The following TAB2 variants were observed in gnomAD, a reference collection of about 807,000 sequenced individuals.
TAB2 encodes the protein TGF-beta activated kinase 1 (MAP3K7) binding protein 2.
A neutral mutation model predicts 65.0 loss-of-function variants in TAB2; 3 were observed. That is an observed-to-expected ratio of 0.05 (90% CI 0.02 to 0.12). TAB2 has a LOEUF of 0.12. Ranked by LOEUF, TAB2 falls within the 10% of genes least tolerant of loss-of-function variation. The probability of loss-of-function intolerance (pLI) is 1.00; values close to 1 mark genes in which losing one functional copy is unlikely to be tolerated. For missense variants in TAB2, 623 were observed against 840.3 expected (o/e 0.74, Z 3.20); for synonymous variants, 298 against 285.1 (o/e 1.05, Z -0.46).
At chr6:149,408,036 G>A (rs1782726218) in intron 6 of TAB2, among the ~76,000 whole-genome samples, 1 of 152,134 alleles carries the variant, frequency 6.6e-6, no homozygotes, top group South Asian at 2.1e-4. Context: ...AGGTGAAAAT[G>A]TTTTCTAATG....
intron 1 of TAB2, among the ~76,000 whole-genome samples, chr6:149,320,710 G>T (rs1403254745): frequency 6.6e-6 from 1 of 151,960 alleles, no homozygotes; most frequent in Non-Finnish European, 1.5e-5. Context: ...AAGACTAAAA[G>T]TTTATTTTTT....
rs190668703 is a variant in TAB2, at chr6:149,344,057, A to G, written c.-89-25852A>G. On this transcript the variant is annotated intron_variant, in intron 1 of 6. Coordinates refer to ENST00000637181, the MANE Select transcript of TAB2 (RefSeq NM_001292034.3). ...TGCATAATGAATTTAATGTCTGGCA[A>G]TTTAGTCAGCATTAGGTCACTGATT... Among the ~76,000 whole-genome samples, 265 of 152,272 alleles carry G rather than the reference A, an allele frequency of 1.7e-3. 1 individual carries two copies. The highest frequency in any genetic ancestry group is 2.9e-3 in the Non-Finnish European group (194 of 68,012).
At chr6:149,319,637 C>A (rs1490030296) in intron 1 of TAB2, among the ~76,000 whole-genome samples, 2 of 152,114 alleles carry the variant, frequency 1.3e-5, no homozygotes, top group Admixed American at 6.5e-5. Flanking sequence ...GGGTTTTTCC[C>A]CCATAGGTCT....
intron 1 of TAB2, among the ~76,000 whole-genome samples, chr6:149,351,522 G>C (rs1391440956): frequency 2.6e-5 from 4 of 152,150 alleles, no homozygotes; most frequent in Non-Finnish European, 5.9e-5. Flanking sequence ...AGAATGAAAT[G>C]ATAGTATTGA....
intron 1 of TAB2, among the ~76,000 whole-genome samples, chr6:149,337,353 A>G (rs1201137948): frequency 6.6e-6 from 1 of 152,132 alleles, no homozygotes; most frequent in Non-Finnish European, 1.5e-5. Context: ...ATGCATTTAA[A>G]ACCACTCTGA....
intron 1 of TAB2, among the ~76,000 whole-genome samples, chr6:149,344,930 TTATACTC>T (rs1267022428): frequency 6.6e-6 from 1 of 152,188 alleles, no homozygotes; most frequent in South Asian, 2.1e-4. Context: ...ACCAAAGTGA[TTATACTC>T]TAGGCTCAGA....
chr6:149,237,392 G>A (rs1777514046), intron 1 of TAB2, among the ~76,000 whole-genome samples: 2 of 152,178 alleles, frequency 1.3e-5, no homozygotes, highest in African/African-American at 2.4e-5. Flanking sequence ...AAGATGCAAT[G>A]TGGTCCCTGA....
Position 149,356,556 on chromosome 6 carries a change from A to G in TAB2, c.-89-13353A>G, listed in dbSNP as rs536898577. Among the ~76,000 whole-genome samples, 30 of 152,232 alleles carry G rather than the reference A, an allele frequency of 2.0e-4. No homozygotes were observed. In the South Asian group the frequency reaches 5.6e-3, roughly 28 times the overall value. The stretch of plus-strand genomic sequence containing the variant: ...GGTTCGTAGGTGGCACCTTTTAGCT[A>G]TGTCCTCGCATGGTGGAAGGGGCAG... On this transcript the variant is annotated intron_variant, in intron 1 of 6. Transcript: ENST00000637181.
intron 2 of TAB2, among the ~76,000 whole-genome samples, chr6:149,377,557 A>G (rs1185905948): frequency 5.9e-5 from 9 of 152,212 alleles, no homozygotes; most frequent in Non-Finnish European, 4.4e-5. Flanking sequence ...TTAAACATTT[A>G]TTAGTTTAAA....
chr6:149,283,070 T>C (rs1346426142), intron 1 of TAB2, among the ~76,000 whole-genome samples: 1 of 152,234 alleles, frequency 6.6e-6, no homozygotes, highest in East Asian at 1.9e-4. Context: ...TAATATTTAT[T>C]CAATAAACTA....
intron 1 of TAB2, among the ~76,000 whole-genome samples, chr6:149,253,942 G>GAA (rs758067285): frequency 0.093 from 5,263 of 56,790 alleles, 144 homozygotes; most frequent in East Asian, 0.15. Flanking sequence ...AAGAAAGAAA[G>GAA]AGAAAGAAAG....
chr6:149,381,031 C>T (rs1464871957), intron 3 of TAB2, among the ~76,000 whole-genome samples: 1 of 152,124 alleles, frequency 6.6e-6, no homozygotes, highest in East Asian at 1.9e-4. Context: ...TGCTTGAGCC[C>T]AGAAGTTTGA....
chr6:149,315,596 A>G (rs1189067238), upstream of TAB2, among the ~76,000 whole-genome samples: 1 of 152,220 alleles, frequency 6.6e-6, no homozygotes, highest in Non-Finnish European at 1.5e-5. Flanking sequence ...AATGTCCTAT[A>G]TGACATTTTT....
chr6:149,332,153 A>C (rs114765614), intron 1 of TAB2, among the ~76,000 whole-genome samples: 2,398 of 152,280 alleles, frequency 0.016, 51 homozygotes, highest in South Asian at 0.097. Context: ...TAGACTGAGC[A>C]ATCAGGAGCC....
intron 1 of TAB2, among the ~76,000 whole-genome samples, chr6:149,281,200 G>C (rs544132315): frequency 5.8e-4 from 88 of 152,102 alleles, no homozygotes; most frequent in South Asian, 2.3e-3. Flanking sequence ...TATTTGAAGA[G>C]TCATGTGAAA....
At chr6:149,405,558 TACTC>T (rs1450504819) in intron 6 of TAB2, among the ~76,000 whole-genome samples, 6 of 152,204 alleles carry the variant, frequency 3.9e-5, no homozygotes, top group South Asian at 2.1e-4. Context: ...AGTGGAATAT[TACTC>T]AGCCTTAAGA....
chr6:149,365,095 A>G (rs1780996419), intron 1 of TAB2, among the ~76,000 whole-genome samples: 1 of 152,144 alleles, frequency 6.6e-6, no homozygotes, highest in Non-Finnish European at 1.5e-5. Flanking sequence ...TAGCTGGTGG[A>G]AGTTTAGATG....
intron 1 of TAB2, among the ~76,000 whole-genome samples, chr6:149,222,550 G>A (rs181578503): frequency 9.8e-4 from 149 of 151,686 alleles, no homozygotes; most frequent in Admixed American, 2.5e-3. Context: ...CCTGAGAGGC[G>A]GAGGTTGCAC....
intron 1 of TAB2, among the ~76,000 whole-genome samples, chr6:149,250,132 C>A (rs1469517943): frequency 2.0e-5 from 3 of 151,982 alleles, no homozygotes; most frequent in Admixed American, 6.6e-5. Context: ...GAGGTAGGGG[C>A]AGGGGGTGGC....
Sources: gnomAD v4.1 joint callset for allele counts (sites outside exome capture counted in the v4.1 genomes callset) on GRCh38, gnomAD v4.1.1 for gene constraint, MANE v1.5 for transcripts, NCBI Gene and HGNC (gene_info 2026-07-23, HGNC 2026-07-21) for gene names.